TRPM2: variants seen among roughly 807,000 people sequenced by gnomAD.
TRPM2 encodes the protein estrogen-responsive element-associated gene 1 protein.
A neutral mutation model predicts 174.0 loss-of-function variants in TRPM2; 161 were observed. The observed-to-expected ratio is 0.93, with a 90% confidence interval of 0.81 to 1.05. The LOEUF is 1.05. Ranked by LOEUF, TRPM2 falls within the 50% of genes least tolerant of loss-of-function variation. The pLI is 0.00. For missense variants in TRPM2, 2,057 were observed against 2,038.0 expected (o/e 1.01, Z -0.18); for synonymous variants, 954 against 861.3 (o/e 1.11, Z -1.88).
chr21:44,418,236 C>A, intron 21 of TRPM2, 128 bp downstream of exon 21: 1 of 1,396,516 alleles, frequency 7.2e-7, no homozygotes, highest in Admixed American at 2.4e-5. Context: ...AGGCTGCTGG[C>A]CTTCTGCTGG....
intron 15 of TRPM2, 111 bp from the exon 16 acceptor site, chr21:44,401,570 A>G (rs2049617346): frequency 8.7e-7 from 1 of 1,154,696 alleles, no homozygotes; most frequent in Non-Finnish European, 1.2e-6. Context: ...TTTTGCCTCT[A>G]AAAGCACATC....
In TRPM2 at chr21:44,403,551, CACAT is replaced by C. The variant is rs879037597; in HGVS notation, c.2539-1582_2539-1579del. ...AAATGCACACACACATAGGCACACA[CACAT>C]ACATACATGCATATGTACACACATA... On this transcript the variant is annotated intron_variant, in intron 16 of 31. Coordinates refer to ENST00000397928, the MANE Select transcript of TRPM2 (RefSeq NM_003307.4). Among the ~76,000 whole-genome samples the C allele has an allele frequency of 4.9e-4, 74 of 151,682 alleles. 1 individual carries two copies. In the South Asian group the frequency reaches 6.9e-3, roughly 14 times the overall value.
At chr21:44,410,909 T>G (rs1487851863) in intron 19 of TRPM2, among the ~76,000 whole-genome samples, 2 of 140,578 alleles carry the variant, frequency 1.4e-5, no homozygotes, top group African/African-American at 2.7e-5. Flanking sequence ...CTGTCTTGGT[T>G]GGCGTAGCCT....
chr21:44,364,202 C>T lies in TRPM2; in HGVS notation c.343C>T (p.Pro115Ser). 1 of 1,614,200 alleles carries T rather than the reference C, an allele frequency of 6.2e-7. No individual in the cohort carries two copies. Among genetic ancestry groups the T allele is most frequent in the African/African-American group, 1.3e-5 (1 of 75,058 alleles). ...CACCTTCCAGGGCACACAGTGGGAC[C>T]CAAAGAAACATGTCCAGGAGATGCC... is the stretch of plus-strand genomic sequence containing the variant. The part of the protein sequence containing the change: ...PHTFQGTQWD[P>S]KKHVQEMPTD... The change falls in exon 3 of 32, where the codon CCA becomes TCA. Residue 115 changes from proline to serine, a missense_variant. Physicochemically the swap from Pro to Ser is moderately conservative, Grantham distance 74. Coordinates refer to ENST00000397928, the MANE Select transcript of TRPM2 (RefSeq NM_003307.4).
chr21:44,383,909 A>T (rs1021547003), intron 9 of TRPM2, among the ~76,000 whole-genome samples: 2 of 152,226 alleles, frequency 1.3e-5, no homozygotes, highest in African/African-American at 4.8e-5. Flanking sequence ...AAAAAATAAG[A>T]TCTTAAACCA....
At chr21:44,372,226 G>A (rs761654295) in intron 5 of TRPM2, among the ~76,000 whole-genome samples, 9 of 152,134 alleles carry the variant, frequency 5.9e-5, no homozygotes, top group African/African-American at 9.7e-5. Flanking sequence ...AAGCTTGGCC[G>A]AGTGCGGTGG....
chr21:44,394,970 C>T (rs1352228050), intron 11 of TRPM2, among the ~76,000 whole-genome samples: 4 of 152,134 alleles, frequency 2.6e-5, no homozygotes, highest in African/African-American at 9.7e-5. Context: ...CGTGAGTGAG[C>T]CATATTGCCC....
At position 44,437,080 on chromosome 21, in the gene TRPM2, T is replaced by C. The variant is rs11910471; in HGVS notation, c.4080T>C (p.Asp1360=). Residue 1360 remains aspartate (D), a synonymous_variant, in exon 29 of 32, where the codon GAT becomes GAC. Coordinates refer to ENST00000397928, the MANE Select transcript of TRPM2 (RefSeq NM_003307.4). ...TCCGCAGGTGGAGGCGGAACGAGGA[T>C]GGAGCCATCTGCAGGAAGAGCATAA... ...PMVTRWRRNE[D]GAICRKSIKK... 23,271 of 1,550,796 alleles carry C rather than the reference T, an allele frequency of 0.015. 3,019 individuals carry two copies. In the African/African-American group the frequency reaches 0.28, roughly 19 times the overall value.
intron 9 of TRPM2, among the ~76,000 whole-genome samples, chr21:44,388,859 A>G (rs2049091507): frequency 6.6e-6 from 1 of 152,150 alleles, no homozygotes; most frequent in Admixed American, 6.6e-5. Context: ...AAACAACCCA[A>G]AAAGTTAAGA....
intron 2 of TRPM2, among the ~76,000 whole-genome samples, chr21:44,362,710 T>C (rs1203056494): frequency 6.6e-6 from 1 of 152,176 alleles, no homozygotes; most frequent in Non-Finnish European, 1.5e-5. Flanking sequence ...AGGGTGTGTC[T>C]GCTCGTGACA....
At chr21:44,421,639 G>A (rs977584798) in intron 22 of TRPM2, among the ~76,000 whole-genome samples, 10 of 151,940 alleles carry the variant, frequency 6.6e-5, no homozygotes, top group South Asian at 4.2e-4. Flanking sequence ...AGCCAGGCAC[G>A]GTGGCTCATG....
At chr21:44,441,017 C>T in intron 31 of TRPM2, 112 bp downstream of exon 31, 2 of 924,186 alleles carry the variant, frequency 2.2e-6, no homozygotes, top group Non-Finnish European at 3.5e-6. Context: ...GCAGGCTGAA[C>T]TCTGTATGGG....
chr21:44,372,387 T>C (rs2048567674), intron 5 of TRPM2, among the ~76,000 whole-genome samples: 1 of 150,300 alleles, frequency 6.7e-6, no homozygotes, highest in Non-Finnish European at 1.5e-5. Flanking sequence ...TCCCAGCTAC[T>C]GGGAGGCCAA....
rs1187060471 is a variant in TRPM2, at chr21:44,439,636, T to G, written c.4269+468T>G. 6.6e-6 allele frequency among the ~76,000 whole-genome samples: 1 copy of G among 152,244 alleles called. No homozygotes were observed. The highest frequency in any genetic ancestry group is 1.9e-4 in the East Asian group (1 of 5,204). ...GCCTGGGGACCGACTGTACCAGGAC[T>G]TTTTATTTACTTCTTTAGAAACCTC... is the stretch of plus-strand genomic sequence containing the variant. On this transcript the variant is annotated intron_variant, in intron 30 of 31. Coordinates refer to ENST00000397928, the MANE Select transcript of TRPM2 (RefSeq NM_003307.4). The surrounding 1 kb of genome is among the most constrained non-coding windows in gnomAD (Gnocchi z 5.1).
chr21:44,437,129 G>T lies in TRPM2; in HGVS notation c.4129G>T (p.Val1377Leu), dbSNP rs1317794911. 10 of 1,551,298 alleles carry T rather than the reference G, an allele frequency of 6.4e-6. No individual in the cohort carries two copies. The highest frequency in any genetic ancestry group is 2.0e-5 in the Admixed American group (1 of 50,976). ...SIKKMLEVLV[V>L]KLPLSEHWAL... ...AAAGAAGATGCTGGAAGTGCTGGTG[G>T]TGAAGCTCCCTCTCTCCGAGCACTG... The change falls in exon 29 of 32, where the codon GTG becomes TTG. Residue 1377 changes from valine to leucine, a missense_variant. Transcript: ENST00000397928.
chr21:44,441,252 G>A (rs1175642107), intron 31 of TRPM2, among the ~76,000 whole-genome samples: 1 of 152,112 alleles, frequency 6.6e-6, no homozygotes, highest in Non-Finnish European at 1.5e-5. Flanking sequence ...GCGACCATAG[G>A]GCCCTGTGTA....
chr21:44,405,800 C>G, intron 17 of TRPM2, 105 bp from the exon 18 acceptor site: 1 of 1,437,724 alleles, frequency 7.0e-7, no homozygotes, highest in Non-Finnish European at 9.3e-7. Context: ...CCCTTTGCCT[C>G]CAGGGCCCAC....
intron 26 of TRPM2, 137 bp downstream of exon 26, chr21:44,426,873 G>A: frequency 2.2e-6 from 3 of 1,341,960 alleles, no homozygotes; most frequent in Admixed American, 4.1e-5. Flanking sequence ...GCCTGAAGGG[G>A]CCCAGCTCCT....
rs183946115 is a variant in TRPM2, at chr21:44,406,508, T to C, written c.2791-86T>C. ...GTGTCTGTGCTGTGAGTGGCAGTGCTGTCTCCACCGCTGCTGGGCCTGCCT... is the reference window on the plus strand; with the variant it reads ...GTGTCTGTGCTGTGAGTGGCAGTGCCGTCTCCACCGCTGCTGGGCCTGCCT... On this transcript the variant is annotated intron_variant, in intron 18 of 31. Coordinates refer to ENST00000397928, the MANE Select transcript of TRPM2 (RefSeq NM_003307.4). 1,513 of 1,457,436 alleles carry C rather than the reference T, an allele frequency of 1.0e-3. 13 individuals carry two copies. In the African/African-American group the frequency reaches 0.013, roughly 13 times the overall value. 90.3% of individuals were successfully genotyped at this position (1,457,436 alleles called of 1,614,324 possible). A position where few individuals can be genotyped will look rare whatever the true frequency, so the allele number is the denominator to read the frequency against.
Sources: gnomAD v4.1 joint callset for allele counts (sites outside exome capture counted in the v4.1 genomes callset) on GRCh38, gnomAD v4.1.1 for gene constraint, Gnocchi (gnomAD v3.1) non-coding constraint, MANE v1.5 for transcripts, NCBI Gene and HGNC (gene_info 2026-07-23, HGNC 2026-07-21) for gene names.